PPIL2: variants seen among roughly 807,000 people sequenced by gnomAD.
The protein encoded by PPIL2 is RING-type E3 ubiquitin-protein ligase PPIL2.
In PPIL2, 50 loss-of-function variants were observed where a neutral mutation model predicts 75.2. That is an observed-to-expected ratio of 0.66 (90% CI 0.53 to 0.84). The LOEUF is 0.84. Among genes scored for constraint, PPIL2 ranks in the 40% least tolerant of loss-of-function variants. The probability of loss-of-function intolerance (pLI) is 0.00; values close to 1 mark genes in which losing one functional copy is unlikely to be tolerated. For missense variants in PPIL2, 590 were observed against 685.0 expected, an observed-to-expected ratio of 0.86 and a Z score of 1.55; for synonymous variants, 245 against 258.8, an observed-to-expected ratio of 0.95 and a Z score of 0.51.
chr22:21,677,178 C>T (rs534745503), intron 6 of PPIL2, among the ~76,000 whole-genome samples: 2 of 151,540 alleles, frequency 1.3e-5, no homozygotes, highest in East Asian at 3.9e-4. Flanking sequence ...TCAGACGGGG[C>T]GGCCAGGCAG....
At chr22:21,681,102 T>TC (rs1427885554) in intron 6 of PPIL2, among the ~76,000 whole-genome samples, 197 bp from the exon 7 acceptor site, 2 of 151,702 alleles carry the variant, frequency 1.3e-5, no homozygotes, top group African/African-American at 4.8e-5. Flanking sequence ...TGAATAGGAG[T>TC]TTCCTAACGG....
chr22:21,681,728 T>C (rs963835304), intron 7 of PPIL2, among the ~76,000 whole-genome samples: 12 of 152,200 alleles, frequency 7.9e-5, no homozygotes, highest in African/African-American at 2.7e-4. Context: ...TCTAGGGCTG[T>C]GAGGGGAGTG....
intron 15 of PPIL2, among the ~76,000 whole-genome samples, chr22:21,690,781 C>T (rs1205862374): frequency 6.6e-6 from 1 of 152,148 alleles, no homozygotes; most frequent in Non-Finnish European, 1.5e-5. Flanking sequence ...GCTTCCCTTT[C>T]AATTTCTTCT....
At chr22:21,679,056 C>G (rs970891998) in intron 6 of PPIL2, among the ~76,000 whole-genome samples, 2 of 152,018 alleles carry the variant, frequency 1.3e-5, no homozygotes, top group African/African-American at 4.8e-5. Context: ...GCCACCACAC[C>G]TGGCTAATTT....
intron 13 of PPIL2, 112 bp from the exon 14 acceptor site, chr22:21,687,961 A>G (rs2067445425): frequency 7.1e-7 from 1 of 1,405,422 alleles, no homozygotes. Context: ...ATTATCACCA[A>G]GAGCCCAGCC....
At chr22:21,666,201 C>T in intron 1 of PPIL2, 70 bp downstream of exon 1, 5 of 1,516,352 alleles carry the variant, frequency 3.3e-6, no homozygotes, top group Non-Finnish European at 4.5e-6. Context: ...GCACTGCGCG[C>T]CGCTCGCCTT....
At chr22:21,692,359 TTAG>T (rs1555900228) in intron 15 of PPIL2, among the ~76,000 whole-genome samples, 1 of 151,374 alleles carries the variant, frequency 6.6e-6, no homozygotes, top group Non-Finnish European at 1.5e-5. Context: ...TTTCACCGTG[TTAG>T]CGAGGATGGT....
chr22:21,681,141 T>C (rs542003138), intron 6 of PPIL2, among the ~76,000 whole-genome samples, 158 bp from the exon 7 acceptor site: 1 of 152,310 alleles, frequency 6.6e-6, no homozygotes, highest in East Asian at 1.9e-4. Context: ...GGTGAGCAGC[T>C]GTCCCCATGG....
In PPIL2 at chr22:21,692,237, G is replaced by C. The variant is rs377116941; in HGVS notation, c.1140-1579G>C. Among the ~76,000 whole-genome samples, 233 of 151,576 alleles carry C rather than the reference G, an allele frequency of 1.5e-3. 4 individuals are homozygous for C. The South Asian group carries it at 0.044, about 29-fold the overall frequency. ...GCGGCGCGATCTCGGCTCACTGCAA[G>C]CTCCGCCTCCCAGGTTCATGCCATT... is the stretch of plus-strand genomic sequence containing the variant. On this transcript the variant is annotated intron_variant, in intron 15 of 19. Coordinates refer to ENST00000398831, the MANE Select transcript of PPIL2 (RefSeq NM_014337.4).
chr22:21,689,559 T>C (rs1441688000), intron 15 of PPIL2, among the ~76,000 whole-genome samples: 1 of 152,248 alleles, frequency 6.6e-6, no homozygotes, highest in Admixed American at 6.5e-5. Context: ...CTAGCCACTT[T>C]AACAAATTAT....
rs561856663 is a variant in PPIL2, at chr22:21,670,236, T to G, written c.82+274T>G. ...AGTAAATGAAATACAAAATTACATG[T>G]ACATTTAAATGTTTTTTCTCTATCA... On this transcript the variant is annotated intron_variant, in intron 2 of 19. Coordinates refer to ENST00000398831, the MANE Select transcript of PPIL2 (RefSeq NM_014337.4). 9 of 1,149,096 alleles carry G rather than the reference T, an allele frequency of 7.8e-6. No individual in the cohort carries two copies. In the East Asian group the frequency reaches 2.3e-4, roughly 29 times the overall value. The allele number at this position is 1,149,096 out of a possible 1,614,324, so 71.2% of individuals were successfully genotyped here.
rs1480254858 is a variant in PPIL2 at position 21,696,530 on chromosome 22, T to G, written c.*1040T>G. The G allele has an allele frequency of 1.9e-5, 25 of 1,333,590 alleles. No individual in the cohort carries two copies. Among genetic ancestry groups the G allele is most frequent in the Non-Finnish European group, 2.4e-5 (25 of 1,036,992 alleles). 82.6% of individuals were successfully genotyped at this position (1,333,590 alleles called of 1,614,324 possible). ...AGACCCCTCCCTCAACCCCCATTTT[T>G]CTGTTAAATGTGCCCCTGGCTGGCT... On this transcript the variant is annotated 3_prime_UTR_variant, in exon 20 of 20. Coordinates refer to ENST00000398831, the MANE Select transcript of PPIL2 (RefSeq NM_014337.4).
rs780921384 is a variant in PPIL2 at position 21,692,382 on chromosome 22, C to T, written c.1140-1434C>T. 6.0e-3 allele frequency among the ~76,000 whole-genome samples: 912 copies of T among 151,358 alleles called. 10 individuals carry two copies. The highest frequency in any genetic ancestry group is 0.01 in the Non-Finnish European group (701 of 67,716). On this transcript the variant is annotated intron_variant, in intron 15 of 19. Coordinates refer to ENST00000398831, the MANE Select transcript of PPIL2 (RefSeq NM_014337.4). ...TGTTAGCGAGGATGGTCTCGATCTCCTGACCTTGTGATCCGCCCACCTTGG... is the reference window on the plus strand; with the variant it reads ...TGTTAGCGAGGATGGTCTCGATCTCTTGACCTTGTGATCCGCCCACCTTGG...
downstream of PPIL2, chr22:21,699,589 G>C (rs1372745887): frequency 6.6e-6 from 1 of 152,624 alleles, no homozygotes; most frequent in Admixed American, 6.5e-5. Flanking sequence ...GCAGGGACGG[G>C]CAACGCGTCT....
intron 15 of PPIL2, among the ~76,000 whole-genome samples, chr22:21,689,253 C>T (rs568092447): frequency 3.7e-4 from 57 of 152,278 alleles, no homozygotes; most frequent in Non-Finnish European, 6.6e-4. Context: ...ATGTGGGGAG[C>T]AGTGTGCAGT....
chr22:21,698,349 G>C (rs971397505), downstream of PPIL2: 2 of 150,390 alleles, frequency 1.3e-5, no homozygotes, highest in African/African-American at 4.9e-5. Flanking sequence ...AAAAACCAAA[G>C]TGCCCAAATA....
At position 21,689,619 on chromosome 22, in the gene PPIL2, C is replaced by T. The variant is rs544198237; in HGVS notation, c.1139+770C>T. ...TTTTTTTGGGTTTTCTAGATAGTCA[C>T]GCTTATCACCAAAAGCTGGTCTGCT... On this transcript the variant is annotated intron_variant, in intron 15 of 19. Transcript: ENST00000398831. Among the ~76,000 whole-genome samples, 22 of 135,316 alleles carry T rather than the reference C, an allele frequency of 1.6e-4. No homozygotes were observed. The East Asian group carries it at 3.1e-3, about 19-fold the overall frequency. The allele number at this position is 135,316 out of a possible 152,430, so 88.8% of individuals were successfully genotyped here.
rs1255680572 is a variant in PPIL2, at chr22:21,697,245, C to T, written c.*1755C>T. 4 of 509,102 alleles carry T rather than the reference C, an allele frequency of 7.9e-6. No homozygotes were observed. Among genetic ancestry groups the T allele is most frequent in the East Asian group, 3.6e-5 (1 of 27,778 alleles). The allele number at this position is 509,102 out of a possible 1,614,324, so 31.5% of individuals were successfully genotyped here. On this transcript the variant is annotated 3_prime_UTR_variant, in exon 20 of 20. Coordinates refer to ENST00000398831, the MANE Select transcript of PPIL2 (RefSeq NM_014337.4). ...ACACACCTGTAGGCCTCTGAGCCAGCGTCCAGGGTACAGGTGCGGGTGGTG... is the reference window on the plus strand; with the variant it reads ...ACACACCTGTAGGCCTCTGAGCCAGTGTCCAGGGTACAGGTGCGGGTGGTG...
At chr22:21,692,400 C>T (rs186520225) in intron 15 of PPIL2, among the ~76,000 whole-genome samples, 196 of 149,504 alleles carry the variant, frequency 1.3e-3, no homozygotes, top group Non-Finnish European at 1.9e-3. Flanking sequence ...GTGATCCGCC[C>T]ACCTTGGCCT....
Sources: gnomAD v4.1 joint callset for allele counts (sites outside exome capture counted in the v4.1 genomes callset) on GRCh38, gnomAD v4.1.1 for gene constraint, MANE v1.5 for transcripts, NCBI Gene and HGNC (gene_info 2026-07-23, HGNC 2026-07-21) for gene names.